OPCML: variants seen among roughly 807,000 people sequenced by gnomAD.
The protein encoded by OPCML is opioid binding protein/cell adhesion molecule like.
Under a neutral mutation model 37.8 loss-of-function variants are expected in OPCML, and 13 were observed. The ratio of observed to expected loss-of-function variants is 0.34; its 90% CI spans 0.22 to 0.55. The LOEUF (loss-of-function observed/expected upper bound fraction) is 0.55, where lower values mean the gene tolerates loss of function less well. OPCML is among the 20% of genes least tolerant of loss of function. The pLI is 0.91. For missense variants in OPCML, 341 were observed against 435.6 expected (o/e 0.78, Z 1.93); for synonymous variants, 176 against 168.8 (o/e 1.04, Z -0.33).
intron 3 of OPCML, among the ~76,000 whole-genome samples, chr11:132,591,065 C>T (rs2096483618): frequency 6.6e-6 from 1 of 152,198 alleles, no homozygotes; most frequent in Admixed American, 6.5e-5. Context: ...TCCGTCTTCT[C>T]TCCTGCTCAG....
At chr11:132,436,349 AGT>A in intron 6 of OPCML, 112 bp from the exon 7 acceptor site, 1 of 1,584,354 alleles carries the variant, frequency 6.3e-7, no homozygotes, top group East Asian at 2.3e-5. Flanking sequence ...TAAGCACTTC[AGT>A]GTCCAACAGG....
intron 2 of OPCML, among the ~76,000 whole-genome samples, chr11:132,832,791 C>T (rs1940772664): frequency 6.6e-6 from 1 of 152,194 alleles, no homozygotes; most frequent in South Asian, 2.1e-4. Context: ...ACGGGAGAGC[C>T]TGTCACTCCT....
At chr11:132,458,810 T>C (rs1478505891) in intron 4 of OPCML, among the ~76,000 whole-genome samples, 1 of 152,202 alleles carries the variant, frequency 6.6e-6, no homozygotes, top group African/African-American at 2.4e-5. Context: ...TCCCCACATC[T>C]GCTTCCACAC....
At chr11:132,656,294 G>T (rs1352780187) in intron 3 of OPCML, among the ~76,000 whole-genome samples, 1 of 152,160 alleles carries the variant, frequency 6.6e-6, no homozygotes, top group Non-Finnish European at 1.5e-5. Flanking sequence ...CTATCTGCAT[G>T]TGTTTTTAAT....
intron 2 of OPCML, among the ~76,000 whole-genome samples, chr11:132,898,846 C>A (rs552074789): frequency 1.6e-3 from 241 of 151,800 alleles, no homozygotes; most frequent in Non-Finnish European, 2.2e-3. Flanking sequence ...CTGCCCCCCC[C>A]ACCCCCGCAG....
At chr11:133,158,265 GGTTT>G (rs1308928537) in intron 1 of OPCML, among the ~76,000 whole-genome samples, 2 of 152,104 alleles carry the variant, frequency 1.3e-5, no homozygotes, top group Non-Finnish European at 2.9e-5. Context: ...ACCCAAAGAT[GGTTT>G]GTGTTTCCGA....
At chr11:132,615,593 TATA>T (rs1269546412) in intron 3 of OPCML, among the ~76,000 whole-genome samples, 19 of 152,178 alleles carry the variant, frequency 1.2e-4, no homozygotes, top group African/African-American at 4.6e-4. Flanking sequence ...TATTAGGTAT[TATA>T]AGTAATCTAG....
Position 132,533,778 on chromosome 11 carries a change from C to G in OPCML, c.380-4592G>C, listed in dbSNP as rs376250258. On this transcript the variant is annotated intron_variant, in intron 3 of 7. Transcript: ENST00000524381. ...TCTGCTTGGAAAACCCATTCCCACA[C>G]CTATGCCATCTGATCCACCCACTCT... 7.1e-4 allele frequency among the ~76,000 whole-genome samples: 108 copies of G among 152,232 alleles called. 1 individual carries two copies. In the South Asian group the frequency reaches 7.5e-3, roughly 11 times the overall value.
chr11:132,650,074 G>A (rs535717750), intron 3 of OPCML, among the ~76,000 whole-genome samples: 4 of 152,192 alleles, frequency 2.6e-5, no homozygotes, highest in East Asian at 1.9e-4. Flanking sequence ...ATATGTGTCC[G>A]CTTGACGTGG....
At chr11:132,995,500 T>C (rs994326151) in intron 1 of OPCML, among the ~76,000 whole-genome samples, 1 of 152,004 alleles carries the variant, frequency 6.6e-6, no homozygotes, top group African/African-American at 2.4e-5. Context: ...CTTCCTTCCT[T>C]TTTTCTTTCC....
intron 1 of OPCML, among the ~76,000 whole-genome samples, chr11:133,501,235 C>A (rs1947906943): frequency 6.6e-6 from 1 of 152,206 alleles, no homozygotes; most frequent in Admixed American, 6.5e-5. Flanking sequence ...GCAACGCAAA[C>A]TGTGTGCTCC....
chr11:132,553,685 G>C (rs1591541717), intron 3 of OPCML, among the ~76,000 whole-genome samples: 1 of 152,302 alleles, frequency 6.6e-6, no homozygotes, highest in Middle Eastern at 3.4e-3. Flanking sequence ...GAGGAAGTTT[G>C]AATGTTTAGA....
chr11:132,753,825 C>T (rs1004530197), intron 2 of OPCML, among the ~76,000 whole-genome samples: 1 of 152,148 alleles, frequency 6.6e-6, no homozygotes, highest in Non-Finnish European at 1.5e-5. Context: ...ATATTACAGG[C>T]ACAATGGGGG....
At chr11:133,027,710 A>G (rs1399086619) in intron 1 of OPCML, among the ~76,000 whole-genome samples, 1 of 15,868 alleles carries the variant, frequency 6.3e-5, no homozygotes, top group Admixed American at 6.0e-4. Flanking sequence ...TGTCATGTGT[A>G]TGGTGTGTAT....
At chr11:133,268,061 G>A (rs919802164) in intron 1 of OPCML, among the ~76,000 whole-genome samples, 2 of 152,152 alleles carry the variant, frequency 1.3e-5, no homozygotes, top group Non-Finnish European at 2.9e-5. Flanking sequence ...CCCATCCACT[G>A]ATGTAACAAT....
chr11:133,368,077 G>C (rs991254772), intron 1 of OPCML, among the ~76,000 whole-genome samples: 5 of 152,180 alleles, frequency 3.3e-5, no homozygotes, highest in Non-Finnish European at 7.3e-5. Context: ...TGCCAGGGCT[G>C]GTTATTATAA....
At chr11:133,392,239 G>A (rs1462449442) in intron 1 of OPCML, among the ~76,000 whole-genome samples, 1 of 152,144 alleles carries the variant, frequency 6.6e-6, no homozygotes, top group Non-Finnish European at 1.5e-5. Context: ...TAAGGAATCT[G>A]AGGATTGACT....
intron 2 of OPCML, among the ~76,000 whole-genome samples, chr11:132,722,969 T>G (rs1944728401): frequency 6.6e-6 from 1 of 152,192 alleles, no homozygotes; most frequent in Non-Finnish European, 1.5e-5. Flanking sequence ...TGGAGGTTGA[T>G]TGGAACAGAC....
intron 1 of OPCML, among the ~76,000 whole-genome samples, chr11:133,011,598 CT>C (rs200276828): frequency 6.3e-4 from 93 of 147,642 alleles, no homozygotes; most frequent in Middle Eastern, 7.0e-3. Context: ...AGTGGTTTCT[CT>C]TTTTTTTTTT....
Sources: allele counts gnomAD v4.1 joint callset (sites outside exome capture counted in the v4.1 genomes callset), GRCh38; gene constraint gnomAD v4.1.1; transcripts MANE v1.5; gene names NCBI Gene and HGNC (gene_info 2026-07-23, HGNC 2026-07-21).